Variants in MED27 observed in about 807,000 individuals in gnomAD.
MED27 encodes mediator complex subunit 27, also known as mediator of RNA polymerase II transcription subunit 27.
In MED27, 30 loss-of-function variants were observed where a neutral mutation model predicts 38.2. That is an observed-to-expected ratio of 0.79 (90% CI 0.59 to 1.07). MED27 has a LOEUF of 1.07. Among genes scored for constraint, MED27 ranks in the 50% least tolerant of loss-of-function variants. The probability of loss-of-function intolerance (pLI) is 0.00; values close to 1 mark genes in which losing one functional copy is unlikely to be tolerated. For synonymous variants in MED27, 122 were observed against 153.5 expected, an observed-to-expected ratio of 0.79 and a Z score of 1.52; for missense variants, 289 against 397.5, an observed-to-expected ratio of 0.73 and a Z score of 2.32.
At chr9:131,961,792 C>A (rs1175392784) in intron 3 of MED27, among the ~76,000 whole-genome samples, 3 of 152,324 alleles carry the variant, frequency 2.0e-5, no homozygotes, top group South Asian at 2.1e-4. Flanking sequence ...AGCTAAAAAG[C>A]CTTCTTCTGC....
chr9:131,932,116 G>A (rs1423418846), intron 4 of MED27, among the ~76,000 whole-genome samples: 2 of 151,746 alleles, frequency 1.3e-5, no homozygotes, highest in African/African-American at 2.4e-5. Flanking sequence ...CAGACCATAC[G>A]TTAGGTAACA....
In MED27 at chr9:131,893,963, G is replaced by A. The variant is rs766802903; in HGVS notation, c.603C>T (p.Ile201=). ...LVTLGKVLKV[I]VVMRSLFIDR... ...CAATGAACAGGCTCCGCATGACGAC[G>A]ATCACTTTCAACACCTTTCCCAAGG... The change falls in exon 5 of 8, where the codon ATC becomes ATT. Residue 201 remains isoleucine, a synonymous_variant. Transcript: ENST00000292035. 75 of 1,613,994 alleles carry A rather than the reference G, an allele frequency of 4.6e-5. No individual in the cohort carries two copies. The South Asian group carries it at 6.9e-4, about 15-fold the overall frequency.
intron 3 of MED27, among the ~76,000 whole-genome samples, chr9:131,940,815 A>C (rs1385012955): frequency 6.6e-6 from 1 of 152,238 alleles, no homozygotes; most frequent in African/African-American, 2.4e-5. Flanking sequence ...CAGGCAAGCT[A>C]TCAGCTTCAT....
chr9:131,921,421 C>T (rs1486830927), intron 4 of MED27, among the ~76,000 whole-genome samples: 1 of 152,196 alleles, frequency 6.6e-6, no homozygotes, highest in Non-Finnish European at 1.5e-5. Context: ...TAAGAAAGAG[C>T]TTTCCTTCAT....
At chr9:132,074,720 T>C (rs1406458670) in intron 2 of MED27, among the ~76,000 whole-genome samples, 1 of 152,394 alleles carries the variant, frequency 6.6e-6, no homozygotes, top group East Asian at 1.9e-4. Flanking sequence ...GAAATGTATA[T>C]AGACATCCTC....
chr9:132,052,376 G>C (rs961327851), intron 2 of MED27, among the ~76,000 whole-genome samples: 1 of 152,096 alleles, frequency 6.6e-6, no homozygotes, highest in African/African-American at 2.4e-5. Context: ...CAATATATAG[G>C]TTTTTGAAGT....
At position 131,860,864 on chromosome 9, in the gene MED27, G is replaced by A. The variant is rs917914591; in HGVS notation, c.802-192C>T. 6.6e-6 allele frequency among the ~76,000 whole-genome samples: 1 copy of A among 152,078 alleles called. No individual in the cohort carries two copies. The highest frequency in any genetic ancestry group is 2.4e-5 in the African/African-American group (1 of 41,406). Reference sequence around the variant, plus strand: ...CTGCTGATGTTCACGTCTGATGCTCGCGTGCCCCTCCTAACCGAAGGAGTT... The same window carrying A: ...CTGCTGATGTTCACGTCTGATGCTCACGTGCCCCTCCTAACCGAAGGAGTT... On this transcript the variant is annotated intron_variant, in intron 7 of 7. Transcript: ENST00000292035. This position sits in a 1 kb window ranked among gnomAD's most constrained non-coding sequence, Gnocchi z 5.8.
chr9:132,017,723 T>C (rs1832634214), intron 2 of MED27, among the ~76,000 whole-genome samples: 2 of 152,236 alleles, frequency 1.3e-5, no homozygotes, highest in Admixed American at 6.5e-5. Context: ...TTCTCTCAGT[T>C]ACAATTTCAC....
chr9:131,987,088 T>G (rs940762335), intron 3 of MED27, among the ~76,000 whole-genome samples: 2 of 147,766 alleles, frequency 1.4e-5, no homozygotes, highest in Admixed American at 1.4e-4. Flanking sequence ...GGGTCAAACT[T>G]TCCCCCAAAT....
chr9:132,040,294 C>A (rs1460697448), intron 2 of MED27, among the ~76,000 whole-genome samples: 1 of 152,192 alleles, frequency 6.6e-6, no homozygotes, highest in Non-Finnish European at 1.5e-5. Flanking sequence ...AATGCCATCA[C>A]CTTTTTGCTT....
Position 131,966,842 on chromosome 9 carries a change from G to A in MED27, c.480-27368C>T, listed in dbSNP as rs529006845. On this transcript the variant is annotated intron_variant, in intron 3 of 7. Coordinates refer to ENST00000292035, the MANE Select transcript of MED27 (RefSeq NM_004269.4). Reference sequence around the variant, plus strand: ...ATACCTAATAATATCAACCTCACAGGAATTCTGGAAGACTCAATGACTAAA... The same window carrying A: ...ATACCTAATAATATCAACCTCACAGAAATTCTGGAAGACTCAATGACTAAA... Among the ~76,000 whole-genome samples, 3 of 152,264 alleles carry A rather than the reference G, an allele frequency of 2.0e-5. No individual in the cohort carries two copies. In the South Asian group the frequency reaches 6.2e-4, roughly 32 times the overall value.
chr9:132,055,499 A>C (rs1170648835), intron 2 of MED27, among the ~76,000 whole-genome samples: 3 of 152,210 alleles, frequency 2.0e-5, no homozygotes, highest in Non-Finnish European at 4.4e-5. Context: ...ACCAGACTAA[A>C]TTAATATTTA....
intron 4 of MED27, among the ~76,000 whole-genome samples, chr9:131,924,115 T>G (rs532594397): frequency 1.2e-4 from 18 of 152,378 alleles, no homozygotes; most frequent in African/African-American, 4.3e-4. Flanking sequence ...CATATATTGC[T>G]GGAAGTGTGA....
At chr9:132,025,806 A>T (rs1413336313) in intron 2 of MED27, among the ~76,000 whole-genome samples, 2 of 152,250 alleles carry the variant, frequency 1.3e-5, no homozygotes, top group African/African-American at 4.8e-5. Context: ...GCTGGCACAA[A>T]GCACACATTC....
At chr9:131,950,427 G>C (rs1435328533) in intron 3 of MED27, among the ~76,000 whole-genome samples, 2 of 152,206 alleles carry the variant, frequency 1.3e-5, no homozygotes, top group Admixed American at 6.5e-5. Flanking sequence ...GCTGAGGACT[G>C]TCGCTGTGGC....
At chr9:131,898,062 A>T (rs1393983595) in intron 4 of MED27, among the ~76,000 whole-genome samples, 3 of 148,714 alleles carry the variant, frequency 2.0e-5, no homozygotes, top group African/African-American at 7.5e-5. Context: ...CTTCCTCTGT[A>T]TTACCTGCCA....
chr9:132,050,697 C>A (rs1186241528), intron 2 of MED27, among the ~76,000 whole-genome samples: 1 of 152,224 alleles, frequency 6.6e-6, no homozygotes, highest in Non-Finnish European at 1.5e-5. Flanking sequence ...CCAGACACCA[C>A]ATGCAGGCCT....
intron 3 of MED27, 138 bp from the exon 4 acceptor site, chr9:131,939,612 A>G (rs1032834828): frequency 6.1e-6 from 3 of 492,994 alleles, no homozygotes; most frequent in Middle Eastern, 3.5e-4. Flanking sequence ...ATAGAATTAG[A>G]AACCTTTTAG....
chr9:131,904,088 C>T (rs763516257), intron 4 of MED27, among the ~76,000 whole-genome samples: 10 of 151,834 alleles, frequency 6.6e-5, no homozygotes, highest in Admixed American at 1.3e-4. Flanking sequence ...TTAGTAGAGA[C>T]GGGGGTTTCA....
Sources: allele counts gnomAD v4.1 joint callset (sites outside exome capture counted in the v4.1 genomes callset), GRCh38; gene constraint gnomAD v4.1.1; non-coding constraint Gnocchi (gnomAD v3.1); transcripts MANE v1.5; gene names NCBI Gene and HGNC (gene_info 2026-07-23, HGNC 2026-07-21).